The following SAMMSON variants were observed in gnomAD, a reference collection of about 807,000 sequenced individuals.
The protein encoded by SAMMSON is survival associated mitochondrial melanoma specific oncogenic non-coding RNA.
intron 1 of SAMMSON, among the ~76,000 whole-genome samples, chr3:70,003,844 A>C (rs941252777): frequency 9.9e-5 from 15 of 152,162 alleles, no homozygotes; most frequent in Admixed American, 9.2e-4. Flanking sequence ...CTAGTCTTTT[A>C]GAATGAAAAT....
At chr3:70,173,355 A>G (rs1332800113) in intron 4 of SAMMSON, among the ~76,000 whole-genome samples, 1 of 151,962 alleles carries the variant, frequency 6.6e-6, no homozygotes, top group Non-Finnish European at 1.5e-5. Flanking sequence ...TTATTGAATG[A>G]CTACTATTTG....
intron 6 of SAMMSON, among the ~76,000 whole-genome samples, chr3:70,264,583 G>A (rs1701898507): frequency 2.0e-5 from 3 of 152,184 alleles, no homozygotes. Flanking sequence ...ACAGTTGCTG[G>A]CATCAGGCCA....
intron 4 of SAMMSON, among the ~76,000 whole-genome samples, chr3:70,112,061 G>C (rs977207351): frequency 1.3e-5 from 2 of 152,130 alleles, no homozygotes; most frequent in African/African-American, 4.8e-5. Context: ...ATTAATGAAA[G>C]ATACGAATCT....
At chr3:70,319,232 C>T (rs1388506123) in intron 7 of SAMMSON, among the ~76,000 whole-genome samples, 4 of 152,044 alleles carry the variant, frequency 2.6e-5, no homozygotes, top group Non-Finnish European at 5.9e-5. Flanking sequence ...CTTAGCTCAG[C>T]AAGTCTGCCA....
At chr3:70,402,309 T>C (rs575260467) in intron 2 of SAMMSON, among the ~76,000 whole-genome samples, 2 of 152,288 alleles carry the variant, frequency 1.3e-5, no homozygotes, top group African/African-American at 4.8e-5. Flanking sequence ...GTGGTTCAGT[T>C]GGTATTTTTT....
intron 4 of SAMMSON, among the ~76,000 whole-genome samples, chr3:70,142,835 T>C (rs1386727402): frequency 6.6e-6 from 1 of 152,186 alleles, no homozygotes; most frequent in African/African-American, 2.4e-5. Flanking sequence ...CCCAGCCAAA[T>C]CCTGAGGGAT....
chr3:70,371,421 T>C (rs1702968078), intron 9 of SAMMSON, among the ~76,000 whole-genome samples: 1 of 152,106 alleles, frequency 6.6e-6, no homozygotes, highest in African/African-American at 2.4e-5. Flanking sequence ...TCATTATTGA[T>C]AGTAAGTCTT....
At chr3:70,008,206 G>A (rs1057140039) in intron 1 of SAMMSON, among the ~76,000 whole-genome samples, 11 of 152,094 alleles carry the variant, frequency 7.2e-5, no homozygotes, top group African/African-American at 2.7e-4. Context: ...GCTTGATGGG[G>A]ATGGCATTGA....
chr3:70,187,700 TGCTG>T (rs1375423132), intron 4 of SAMMSON, among the ~76,000 whole-genome samples: 2 of 151,942 alleles, frequency 1.3e-5, no homozygotes, highest in Non-Finnish European at 2.9e-5. Context: ...CCTCCCAAAG[TGCTG>T]GGATTACAGG....
chr3:70,237,193 A>G (rs1323011168), intron 4 of SAMMSON, among the ~76,000 whole-genome samples: 1 of 152,198 alleles, frequency 6.6e-6, no homozygotes, highest in Non-Finnish European at 1.5e-5. Flanking sequence ...ATGGGAAGCT[A>G]TATTTTTCCC....
At chr3:70,275,769 T>C (rs946454190) in intron 6 of SAMMSON, among the ~76,000 whole-genome samples, 10 of 152,212 alleles carry the variant, frequency 6.6e-5, no homozygotes, top group Non-Finnish European at 1.0e-4. Flanking sequence ...TTTCAGAAGT[T>C]TATAGCATAT....
intron 1 of SAMMSON, among the ~76,000 whole-genome samples, chr3:70,011,933 C>A (rs924432884): frequency 2.0e-5 from 3 of 151,930 alleles, no homozygotes; most frequent in Non-Finnish European, 4.4e-5. Flanking sequence ...GAAATAAATT[C>A]CCAGAGATGA....
At chr3:70,380,182 C>A (rs1351676306) in intron 9 of SAMMSON, among the ~76,000 whole-genome samples, 1 of 152,052 alleles carries the variant, frequency 6.6e-6, no homozygotes, top group Admixed American at 6.6e-5. Flanking sequence ...TGGATTTATC[C>A]TCAGGTCAAA....
intron 4 of SAMMSON, among the ~76,000 whole-genome samples, chr3:70,154,089 A>T (rs549527946): frequency 6.6e-6 from 1 of 151,460 alleles, no homozygotes; most frequent in Admixed American, 6.6e-5. Flanking sequence ...ACTCCTTGAA[A>T]CTGACTTTTT....
intron 2 of SAMMSON, among the ~76,000 whole-genome samples, chr3:70,409,738 T>C (rs953456323): frequency 1.3e-5 from 2 of 152,196 alleles, no homozygotes; most frequent in African/African-American, 2.4e-5. Context: ...TTATTATCCT[T>C]GTTGGTGTTG....
At chr3:70,336,310 T>G (rs1208022789) in intron 7 of SAMMSON, among the ~76,000 whole-genome samples, 1 of 152,014 alleles carries the variant, frequency 6.6e-6, no homozygotes, top group Non-Finnish European at 1.5e-5. Context: ...TTTGAGGGCA[T>G]TATATAATTT....
chr3:70,044,357 G>A (rs2067116310), intron 3 of SAMMSON, among the ~76,000 whole-genome samples: 1 of 151,868 alleles, frequency 6.6e-6, no homozygotes, highest in Non-Finnish European at 1.5e-5. Flanking sequence ...AGGTGAATCT[G>A]GATGTTTTAG....
chr3:70,281,538 A>T (rs1255233947), intron 6 of SAMMSON, among the ~76,000 whole-genome samples: 1 of 152,198 alleles, frequency 6.6e-6, no homozygotes. Context: ...AAATGAGATC[A>T]TATAAGTGTC....
intron 3 of SAMMSON, among the ~76,000 whole-genome samples, chr3:70,028,553 T>C (rs577564631): frequency 3.3e-5 from 5 of 152,234 alleles, no homozygotes; most frequent in African/African-American, 1.2e-4. Context: ...AGGAAATGCC[T>C]GGTTATGCAT....
Sources: gnomAD v4.1 joint callset for allele counts (sites outside exome capture counted in the v4.1 genomes callset) on GRCh38, gnomAD v4.1.1 for gene constraint, MANE v1.5 for transcripts, NCBI Gene and HGNC (gene_info 2026-07-23, HGNC 2026-07-21) for gene names.